Variants in NEK5 observed in about 807,000 individuals in gnomAD.
NEK5 encodes serine/threonine-protein kinase Nek5.
NEK5 carries 88 observed loss-of-function variants against 109.2 expected under a neutral mutation model. The ratio of observed to expected loss-of-function variants is 0.81; its 90% confidence interval spans 0.68 to 0.96. The LOEUF (loss-of-function observed/expected upper bound fraction) is 0.96. Ranked by LOEUF, NEK5 falls within the 40% of genes least tolerant of loss-of-function variation. NEK5 has a pLI of 0.00. For synonymous variants in NEK5, 283 were observed against 299.9 expected, an observed-to-expected ratio of 0.94 and a Z score of 0.58; for missense variants, 834 against 920.7, an observed-to-expected ratio of 0.91 and a Z score of 1.22.
intron 21 of NEK5, among the ~76,000 whole-genome samples, chr13:52,064,290 C>T (rs1954648833): frequency 7.0e-6 from 1 of 142,180 alleles, no homozygotes. Flanking sequence ...CTCTGCCCGG[C>T]CGCCCCTACT....
At chr13:52,119,494 A>C in intron 3 of NEK5, 79 bp from the exon 4 acceptor site, 1 of 652,262 alleles carries the variant, frequency 1.5e-6, no homozygotes, top group Non-Finnish European at 2.6e-6. Flanking sequence ...TTTCCATCTA[A>C]AATTCTCTAG....
At chr13:52,040,829 A>G (rs1484897260) in intron 23 of NEK5, among the ~76,000 whole-genome samples, 4 of 152,174 alleles carry the variant, frequency 2.6e-5, no homozygotes, top group Non-Finnish European at 1.5e-5. Context: ...TAATTTCTCA[A>G]CATAGATGTT....
At chr13:52,110,799 T>C (rs951098045) in intron 5 of NEK5, among the ~76,000 whole-genome samples, 1 of 152,280 alleles carries the variant, frequency 6.6e-6, no homozygotes, top group South Asian at 2.1e-4. Flanking sequence ...GTAATCCAAA[T>C]ATCACTGGTA....
intron 23 of NEK5, among the ~76,000 whole-genome samples, chr13:52,047,926 A>C (rs1212334641): frequency 6.6e-6 from 1 of 152,210 alleles, no homozygotes; most frequent in Non-Finnish European, 1.5e-5. Context: ...AGTTTAGTAA[A>C]GTTACAGGAT....
Position 52,102,280 on chromosome 13 carries a change from T to C in NEK5, c.622A>G (p.Asn208Asp), listed in dbSNP as rs1955555698. 1.2e-6 allele frequency: 2 copies of C among 1,613,702 alleles called. No homozygotes were observed. Among genetic ancestry groups the C allele is most frequent in the Admixed American group, 1.7e-5 (1 of 60,008 alleles). ...CTLKHPFEGNNLQQLVLKICQ... is the reference protein window; with the variant it reads ...CTLKHPFEGNDLQQLVLKICQ... Reference sequence around the variant, plus strand: ...ATCTTCAGAACCAGCTGCTGTAAGTTGTTACCCTCAAACTGAAAGGACAAG... The same window carrying C: ...ATCTTCAGAACCAGCTGCTGTAAGTCGTTACCCTCAAACTGAAAGGACAAG... The change falls in exon 10 of 24, where the codon AAC becomes GAC. Residue 208 changes from asparagine (N) to aspartate (D), a missense_variant. Asn to Asp is a conservative substitution (Grantham distance 23, BLOSUM62 1). This residue lies in a region of NEK5 where 777 missense variants were observed against 824.7 expected (regional missense o/e 0.94). Coordinates refer to ENST00000684899, the MANE Select transcript of NEK5 (RefSeq NM_001365552.1).
At chr13:52,122,947 T>C (rs1405642306) in intron 3 of NEK5, among the ~76,000 whole-genome samples, 2 of 152,240 alleles carry the variant, frequency 1.3e-5, no homozygotes, top group African/African-American at 4.8e-5. Flanking sequence ...CTTTTCAAAA[T>C]TTCTACAACG....
intron 20 of NEK5, among the ~76,000 whole-genome samples, chr13:52,069,100 T>C (rs1326098961): frequency 6.6e-6 from 1 of 152,196 alleles, no homozygotes; most frequent in Non-Finnish European, 1.5e-5. Context: ...CAATTTTCAG[T>C]ATACTACTGA....
rs147877614 is a variant in NEK5, at chr13:52,127,402, G to C, written c.81C>G (p.Ser27Arg). 3.5e-5 allele frequency: 56 copies of C among 1,609,838 alleles called. No individual in the cohort carries two copies. In the African/African-American group the frequency reaches 7.2e-4, roughly 21 times the overall value. The part of the protein sequence containing the change: ...KAYLAKGKSD[S>R]KHCVIKEINF... ...TGATCTCTTTTATGACACAGTGCTTGCTATCTGATTTCCCTTTAGCTAAGT... is the reference window on the plus strand; with the variant it reads ...TGATCTCTTTTATGACACAGTGCTTCCTATCTGATTTCCCTTTAGCTAAGT... Residue 27 changes from serine to arginine, a missense_variant, in exon 3 of 24, where the codon AGC becomes AGG. Ser to Arg is a moderately radical substitution (Grantham distance 110). This residue lies in a region of NEK5 where 777 missense variants were observed against 824.7 expected (regional missense o/e 0.94). Transcript: ENST00000684899.
intron 20 of NEK5, among the ~76,000 whole-genome samples, chr13:52,067,321 G>A (rs910543674): frequency 3.3e-5 from 5 of 152,108 alleles, no homozygotes; most frequent in Non-Finnish European, 7.4e-5. Context: ...AATCAGTTAG[G>A]CAGGCAGTTA....
At chr13:52,074,429 A>G (rs1954832012) in intron 19 of NEK5, among the ~76,000 whole-genome samples, 1 of 152,200 alleles carries the variant, frequency 6.6e-6, no homozygotes, top group Non-Finnish European at 1.5e-5. Context: ...GGTTAGCTAC[A>G]TGCAGAAGAA....
At chr13:52,047,130 T>C (rs946397169) in intron 23 of NEK5, among the ~76,000 whole-genome samples, 2 of 151,022 alleles carry the variant, frequency 1.3e-5, no homozygotes, top group African/African-American at 2.5e-5. Context: ...TAGGCACTTC[T>C]AGATACTGAT....
intron 13 of NEK5, among the ~76,000 whole-genome samples, chr13:52,089,845 G>A (rs1955239825): frequency 6.6e-6 from 1 of 152,110 alleles, no homozygotes; most frequent in African/African-American, 2.4e-5. Flanking sequence ...GTGGGGCGTG[G>A]TGGTGGGCAC....
chr13:52,125,330 G>A (rs893476274), intron 3 of NEK5, among the ~76,000 whole-genome samples: 2 of 152,182 alleles, frequency 1.3e-5, no homozygotes, highest in Non-Finnish European at 2.9e-5. Flanking sequence ...TTGGGAGGCC[G>A]AGGCGGGTGG....
intron 19 of NEK5, among the ~76,000 whole-genome samples, chr13:52,074,680 C>A (rs1252710172): frequency 6.6e-6 from 1 of 152,088 alleles, no homozygotes; most frequent in Admixed American, 6.6e-5. Flanking sequence ...AAACTATCAA[C>A]AGAGTAAATA....
At chr13:52,107,583 ACT>A (rs1424084787) in intron 8 of NEK5, among the ~76,000 whole-genome samples, 1 of 149,812 alleles carries the variant, frequency 6.7e-6, no homozygotes, top group Non-Finnish European at 1.5e-5. Flanking sequence ...CAAGAGCAAG[ACT>A]CTATCTCAAA....
chr13:52,098,414 T>C (rs1955464423), intron 12 of NEK5, among the ~76,000 whole-genome samples: 1 of 134,084 alleles, frequency 7.5e-6, no homozygotes, highest in Non-Finnish European at 1.7e-5. Flanking sequence ...ACTTAGTAAA[T>C]ACACTTCCAA....
intron 23 of NEK5, among the ~76,000 whole-genome samples, chr13:52,049,269 A>G (rs1319258170): frequency 6.6e-6 from 1 of 152,078 alleles, no homozygotes; most frequent in Non-Finnish European, 1.5e-5. Context: ...CAAAAAATAA[A>G]AAAGATTAGC....
At chr13:52,073,859 C>T (rs4479122) in intron 19 of NEK5, among the ~76,000 whole-genome samples, 84,524 of 151,808 alleles carry the variant, frequency 0.56, 26,330 homozygotes, top group Non-Finnish European at 0.7. Context: ...AAATCAAGAA[C>T]GTAATCCCAT....
intron 4 of NEK5, among the ~76,000 whole-genome samples, chr13:52,115,616 A>AC (rs1033936972): frequency 2.0e-5 from 3 of 150,598 alleles, no homozygotes; most frequent in Non-Finnish European, 4.4e-5. Context: ...AAAAAAAAAA[A>AC]AAAAAAAAAA....
Sources: allele counts gnomAD v4.1 joint callset (sites outside exome capture counted in the v4.1 genomes callset), GRCh38; gene constraint gnomAD v4.1.1; regional missense constraint gnomAD v4.1.1; transcripts MANE v1.5; gene names NCBI Gene and HGNC (gene_info 2026-07-23, HGNC 2026-07-21).